CCSER2: variants seen among roughly 807,000 people sequenced by gnomAD.
CCSER2 encodes serine-rich coiled-coil domain-containing protein 2.
Under a neutral mutation model 92.3 loss-of-function variants are expected in CCSER2, and 46 were observed. That is an observed-to-expected ratio of 0.50 (90% CI 0.39 to 0.64). The LOEUF is 0.64. CCSER2 is among the 30% of genes least tolerant of loss of function. CCSER2 has a pLI of 0.00. For missense variants in CCSER2, 1,244 were observed against 1,238.9 expected (o/e 1.00, Z -0.06); for synonymous variants, 433 against 431.4 (o/e 1.00, Z -0.04).
At chr10:84,500,093 C>CT (rs1848646640) in intron 9 of CCSER2, 1 of 1,171,444 alleles carries the variant, frequency 8.5e-7, no homozygotes, top group African/African-American at 1.5e-5. Flanking sequence ...AAGCAGCACT[C>CT]TCTGTGGTCT....
intron 9 of CCSER2, among the ~76,000 whole-genome samples, chr10:84,478,025 AAT>A (rs993299420): frequency 1.3e-5 from 2 of 152,176 alleles, no homozygotes; most frequent in Non-Finnish European, 2.9e-5. Context: ...ACACTTTGAA[AAT>A]ATATGATTTA....
chr10:84,418,426 A>AT (rs199954711), intron 4 of CCSER2, among the ~76,000 whole-genome samples: 2,035 of 152,002 alleles, frequency 0.013, 15 homozygotes, highest in Non-Finnish European at 0.022. Flanking sequence ...CACTTGTAGG[A>AT]TTTTTTTTAT....
chr10:84,393,023 A>G (rs1468406437), intron 3 of CCSER2, among the ~76,000 whole-genome samples: 5 of 152,090 alleles, frequency 3.3e-5, no homozygotes, highest in African/African-American at 7.2e-5. Flanking sequence ...TCATTTACCT[A>G]TGTTGCAGCA....
intron 5 of CCSER2, among the ~76,000 whole-genome samples, chr10:84,431,890 T>C (rs1431157806): frequency 6.6e-6 from 1 of 152,230 alleles, no homozygotes; most frequent in African/African-American, 2.4e-5. Flanking sequence ...TGCACGGGCG[T>C]ACATTTTTCA....
At chr10:84,380,511 A>G (rs529319398) in intron 3 of CCSER2, among the ~76,000 whole-genome samples, 55 of 143,578 alleles carry the variant, frequency 3.8e-4, no homozygotes, top group Admixed American at 1.4e-3. Context: ...TTTGCTTCAC[A>G]TGCTCATATA....
chr10:84,396,389 T>G (rs1841839873), intron 3 of CCSER2, among the ~76,000 whole-genome samples: 1 of 151,746 alleles, frequency 6.6e-6, no homozygotes, highest in Admixed American at 6.6e-5. Context: ...GTTTAGCATT[T>G]TTTTTTTAAA....
chr10:84,420,692 G>A (rs1843096363), intron 4 of CCSER2, among the ~76,000 whole-genome samples: 1 of 152,114 alleles, frequency 6.6e-6, no homozygotes, highest in Admixed American at 6.5e-5. Flanking sequence ...CCAGCGCTTT[G>A]GGAGGCCAAG....
chr10:84,366,702 A>G (rs980648277), intron 1 of CCSER2, among the ~76,000 whole-genome samples: 2 of 152,210 alleles, frequency 1.3e-5, no homozygotes, highest in Non-Finnish European at 2.9e-5. Context: ...AGTATATAAC[A>G]AGGATAAGGT....
At chr10:84,438,852 A>G (rs1327714819) in intron 6 of CCSER2, 145 bp downstream of exon 6, 1 of 534,522 alleles carries the variant, frequency 1.9e-6, no homozygotes, top group East Asian at 3.0e-5. Flanking sequence ...TATATAGTAG[A>G]AAGTTTTGTG....
At chr10:84,490,301 G>A (rs1218623688) in intron 9 of CCSER2, among the ~76,000 whole-genome samples, 2 of 152,146 alleles carry the variant, frequency 1.3e-5, no homozygotes, top group Non-Finnish European at 2.9e-5. Flanking sequence ...TGCTAGGTTG[G>A]GGAAGTTCTC....
chr10:84,340,754 C>T (rs1254062947), intron 1 of CCSER2, among the ~76,000 whole-genome samples: 1 of 151,986 alleles, frequency 6.6e-6, no homozygotes, highest in South Asian at 2.1e-4. Flanking sequence ...TCTCTGTCAC[C>T]ATCTTACAAG....
At chr10:84,401,641 C>T (rs1842125282) in intron 3 of CCSER2, among the ~76,000 whole-genome samples, 1 of 152,122 alleles carries the variant, frequency 6.6e-6, no homozygotes, top group Non-Finnish European at 1.5e-5. Flanking sequence ...ATAGACTTTT[C>T]CTGAAAGTAG....
chr10:84,475,762 C>T (rs191630217), intron 8 of CCSER2, among the ~76,000 whole-genome samples: 119 of 152,266 alleles, frequency 7.8e-4, no homozygotes, highest in Middle Eastern at 6.8e-3. Context: ...TCATATACCC[C>T]TCATATATGT....
At chr10:84,386,684 TTA>T (rs1011011833) in intron 3 of CCSER2, among the ~76,000 whole-genome samples, 3 of 152,148 alleles carry the variant, frequency 2.0e-5, no homozygotes, top group Admixed American at 6.5e-5. Flanking sequence ...TGCGCTGAGA[TTA>T]TGTCACTGCA....
Position 84,518,347 on chromosome 10 carries a change from A to G in CCSER2, c.*4080A>G, listed in dbSNP as rs1400141486. On this transcript the variant is annotated 3_prime_UTR_variant, in exon 10 of 10. Coordinates refer to ENST00000372088, the MANE Select transcript of CCSER2 (RefSeq NM_001284240.2). ...GTAAGGTCTCTAAGTCATTACTAAC[A>G]AAGAGCAAAAATAATATCTGCAGTA... is the stretch of plus-strand genomic sequence containing the variant. 6.6e-6 allele frequency: 1 copy of G among 152,650 alleles called. No individual in the cohort carries two copies. Among genetic ancestry groups the G allele is most frequent in the Non-Finnish European group, 1.5e-5 (1 of 68,036 alleles). 9.5% of individuals were successfully genotyped at this position (152,650 alleles called of 1,614,324 possible).
At chr10:84,347,534 CG>C (rs1844580079) in intron 1 of CCSER2, among the ~76,000 whole-genome samples, 1 of 144,720 alleles carries the variant, frequency 6.9e-6, no homozygotes, top group African/African-American at 2.6e-5. Flanking sequence ...CCGGACGGGG[CG>C]GCTGGCCGGG....
rs573526601 is a variant in CCSER2 at position 84,387,677 on chromosome 10, C to T, written c.1614+13862C>T. Among the ~76,000 whole-genome samples the T allele has an allele frequency of 2.4e-3, 372 of 152,006 alleles. 1 individual carries two copies. The highest frequency in any genetic ancestry group is 8.6e-3 in the African/African-American group (356 of 41,452). On this transcript the variant is annotated intron_variant, in intron 3 of 9. Transcript: ENST00000372088. ...CCGAGTAGCTGGAACTCCAGGCGTC[C>T]GCCACTACGCCTGGCTATTTTTTTG...
chr10:84,378,464 C>T (rs1846459064), intron 3 of CCSER2, among the ~76,000 whole-genome samples: 1 of 132,672 alleles, frequency 7.5e-6, no homozygotes, highest in Admixed American at 8.4e-5. Flanking sequence ...GACGAAGTCT[C>T]GCTCTTCTCA....
At chr10:84,431,248 T>C (rs1206694148) in intron 5 of CCSER2, among the ~76,000 whole-genome samples, 7 of 152,222 alleles carry the variant, frequency 4.6e-5, no homozygotes, top group African/African-American at 1.7e-4. Flanking sequence ...TCAAATTCTG[T>C]GTGTTCCACT....
Sources: allele counts gnomAD v4.1 joint callset (sites outside exome capture counted in the v4.1 genomes callset), GRCh38; gene constraint gnomAD v4.1.1; transcripts MANE v1.5; gene names NCBI Gene and HGNC (gene_info 2026-07-23, HGNC 2026-07-21).